Variants in NAPEPLD observed in about 807,000 individuals in gnomAD.
NAPEPLD encodes the protein N-acyl-phosphatidylethanolamine-hydrolyzing phospholipase D.
Under a neutral mutation model 38.1 loss-of-function variants are expected in NAPEPLD, and 23 were observed. The observed-to-expected ratio is 0.60, with a 90% CI of 0.43 to 0.86. The LOEUF (loss-of-function observed/expected upper bound fraction) is 0.86. Ranked by LOEUF, NAPEPLD falls within the 40% of genes least tolerant of loss-of-function variation. NAPEPLD has a pLI of 0.00. For missense variants in NAPEPLD, 411 were observed against 476.8 expected (o/e 0.86, Z 1.28); for synonymous variants, 147 against 162.0 (o/e 0.91, Z 0.71).
In NAPEPLD at chr7:103,103,361, A is replaced by C; in HGVS notation, c.*68T>G. 1.4e-6 allele frequency: 2 copies of C among 1,449,740 alleles called. No homozygotes were observed. Among genetic ancestry groups the C allele is most frequent in the Non-Finnish European group, 9.2e-7 (1 of 1,081,512 alleles). 89.8% of individuals were successfully genotyped at this position (1,449,740 alleles called of 1,614,324 possible). On this transcript the variant is annotated 3_prime_UTR_variant, in exon 5 of 5. Coordinates refer to ENST00000465647, the MANE Select transcript of NAPEPLD (RefSeq NM_001122838.3). Reference sequence around the variant, plus strand: ...ATAATCACAATATTCATGAATTTCTAAGTCTTTTCATTTGTTTTTAAACTT... The same window carrying C: ...ATAATCACAATATTCATGAATTTCTCAGTCTTTTCATTTGTTTTTAAACTT...
chr7:103,119,482 ATAAAT>A (rs1289008292), intron 3 of NAPEPLD, 90 bp downstream of exon 3: 6 of 1,392,610 alleles, frequency 4.3e-6, no homozygotes, highest in Non-Finnish European at 5.8e-6. Context: ...CATTAAAATC[ATAAAT>A]TACAGTGTCA....
intron 2 of NAPEPLD, chr7:103,127,205 C>G (rs1023560909): frequency 5.3e-5 from 8 of 152,044 alleles, no homozygotes; most frequent in African/African-American, 1.9e-4. Flanking sequence ...AGAGGATTCT[C>G]AAAGTCTCTA....
At position 103,148,843 on chromosome 7, in the gene NAPEPLD, A is replaced by C. The variant is rs1446161766; in HGVS notation, c.-49T>G. On this transcript the variant is annotated 5_prime_UTR_variant, in exon 1 of 5. It adds an upstream start codon to the 5' untranslated region. Coordinates refer to ENST00000465647, the MANE Select transcript of NAPEPLD (RefSeq NM_001122838.3). ...CCTATCAGTGAAGATGCAACCTGGT[A>C]ATTTGCAGGGAAGATAGGATCTCAA... 5 of 985,184 alleles carry C rather than the reference A, an allele frequency of 5.1e-6. No individual in the cohort carries two copies. In the East Asian group the frequency reaches 5.7e-4, roughly 112 times the overall value. The allele number at this position is 985,184 out of a possible 1,614,324, so 61.0% of individuals were successfully genotyped here.
chr7:103,124,261 C>T (rs933384773), intron 2 of NAPEPLD, among the ~76,000 whole-genome samples: 11 of 152,098 alleles, frequency 7.2e-5, no homozygotes, highest in African/African-American at 2.4e-4. Context: ...GAGTTTGAGA[C>T]CAGCCTGACC....
intron 3 of NAPEPLD, among the ~76,000 whole-genome samples, chr7:103,117,436 A>T (rs1044963723): frequency 4.6e-5 from 7 of 152,170 alleles, no homozygotes; most frequent in Non-Finnish European, 8.8e-5. Context: ...AATAGATTTA[A>T]ATTTTTTACT....
intron 4 of NAPEPLD, among the ~76,000 whole-genome samples, chr7:103,107,546 G>C (rs770434691): frequency 1.3e-5 from 2 of 152,040 alleles, no homozygotes; most frequent in African/African-American, 4.8e-5. Flanking sequence ...ACAGTTTAGA[G>C]AAGAACATAA....
intron 1 of NAPEPLD, among the ~76,000 whole-genome samples, chr7:103,129,491 T>C (rs1322168169): frequency 2.0e-5 from 3 of 152,220 alleles, no homozygotes; most frequent in African/African-American, 7.2e-5. Context: ...TAAGGACTGC[T>C]TCAGTTCCTT....
intron 4 of NAPEPLD, among the ~76,000 whole-genome samples, chr7:103,106,159 C>T (rs1000037912): frequency 3.9e-5 from 6 of 152,072 alleles, no homozygotes; most frequent in Non-Finnish European, 7.4e-5. Flanking sequence ...ATTCTCTCCC[C>T]TACCCAAGGG....
intron 1 of NAPEPLD, among the ~76,000 whole-genome samples, chr7:103,134,050 G>C (rs1486711047): frequency 6.6e-6 from 1 of 152,108 alleles, no homozygotes; most frequent in Admixed American, 6.5e-5. Context: ...ATTATAGTTA[G>C]GTCACACGTT....
chr7:103,128,255 C>T (rs900863268), intron 2 of NAPEPLD: 6 of 507,464 alleles, frequency 1.2e-5, no homozygotes, highest in Non-Finnish European at 2.0e-5. Flanking sequence ...CACGTTCTTT[C>T]CTGTACCTCT....
In NAPEPLD at chr7:103,149,085, C is replaced by T. The variant is rs1585918589; in HGVS notation, c.-291G>A. ...TTCGCCGAAGAATTCCAAACCACCC[C>T]AGGCTCAGCAGTGTGGATTGCTCCG... On this transcript the variant is annotated 5_prime_UTR_variant, in exon 1 of 5. Transcript: ENST00000465647. 6.1e-6 allele frequency: 6 copies of T among 985,546 alleles called. No individual in the cohort carries two copies. In the East Asian group the frequency reaches 3.4e-4, roughly 56 times the overall value. 61.1% of individuals were successfully genotyped at this position (985,546 alleles called of 1,614,324 possible). A position where few individuals can be genotyped will look rare whatever the true frequency, so the allele number is the denominator to read the frequency against.
intron 3 of NAPEPLD, among the ~76,000 whole-genome samples, chr7:103,117,310 T>C (rs769822445): frequency 7.2e-5 from 11 of 152,246 alleles, no homozygotes; most frequent in African/African-American, 2.4e-4. Context: ...TGTTCTGCCA[T>C]ATCTCCTGAC....
At chr7:103,112,164 A>G (rs2129527553) in intron 4 of NAPEPLD, among the ~76,000 whole-genome samples, 1 of 152,324 alleles carries the variant, frequency 6.6e-6, no homozygotes, top group South Asian at 2.1e-4. Flanking sequence ...GGGAGTGTAA[A>G]TTAGTTCAAC....
intron 1 of NAPEPLD, among the ~76,000 whole-genome samples, chr7:103,134,332 G>C (rs1037203919): frequency 6.6e-5 from 10 of 152,278 alleles, no homozygotes; most frequent in South Asian, 4.1e-4. Context: ...AAACCCCTGT[G>C]ACAATTGTAT....
Position 103,141,603 on chromosome 7 carries a change from T to C in NAPEPLD, c.-17+7208A>G, listed in dbSNP as rs7795941. 2.9e-3 allele frequency: 2,679 copies of C among 933,058 alleles called. 51 individuals are homozygous for C. The African/African-American group carries it at 0.039, about 13-fold the overall frequency. The allele number at this position is 933,058 out of a possible 1,614,324, so 57.8% of individuals were successfully genotyped here. A position where few individuals can be genotyped will look rare whatever the true frequency, so the allele number is the denominator to read the frequency against. Reference sequence around the variant, plus strand: ...TGATACATGCGGCGATCAATCTTCTTAGATTCACGGTATCTTCTGAGCAGC... The same window carrying C: ...TGATACATGCGGCGATCAATCTTCTCAGATTCACGGTATCTTCTGAGCAGC... On this transcript the variant is annotated intron_variant, in intron 1 of 4. Transcript: ENST00000465647.
intron 1 of NAPEPLD, among the ~76,000 whole-genome samples, chr7:103,146,331 C>T (rs939790709): frequency 2.0e-5 from 3 of 148,000 alleles, no homozygotes; most frequent in South Asian, 4.3e-4. Flanking sequence ...GGTGACAGAG[C>T]GAGACTCCGT....
intron 4 of NAPEPLD, among the ~76,000 whole-genome samples, chr7:103,105,011 A>G (rs1021897273): frequency 5.3e-5 from 8 of 152,136 alleles, no homozygotes; most frequent in African/African-American, 1.7e-4. Context: ...GAGAATTCTG[A>G]TATGTTAGAG....
intron 1 of NAPEPLD, among the ~76,000 whole-genome samples, chr7:103,146,006 T>C (rs1481777107): frequency 6.6e-6 from 1 of 152,028 alleles, no homozygotes; most frequent in Non-Finnish European, 1.5e-5. Flanking sequence ...CACACATATA[T>C]GTTCAGAATA....
chr7:103,110,868 A>G (rs4440560), intron 4 of NAPEPLD, among the ~76,000 whole-genome samples: 133,186 of 152,158 alleles, frequency 0.88, 61,031 homozygotes, highest in East Asian at 1. Context: ...GCTGATAAGC[A>G]ACTTCAGCAA....
Sources: allele counts gnomAD v4.1 joint callset (sites outside exome capture counted in the v4.1 genomes callset), GRCh38; gene constraint gnomAD v4.1.1; transcripts MANE v1.5; gene names NCBI Gene and HGNC (gene_info 2026-07-23, HGNC 2026-07-21).